The following SEC16A variants were observed in gnomAD, a reference collection of about 807,000 sequenced individuals.
SEC16A encodes protein transport protein Sec16A.
Under a neutral mutation model 221.9 loss-of-function variants are expected in SEC16A, and 110 were observed. That is an observed-to-expected ratio of 0.50 (90% CI 0.42 to 0.58). SEC16A has a LOEUF of 0.58. Among genes scored for constraint, SEC16A ranks in the 20% least tolerant of loss-of-function variants. The pLI is 0.00. For missense variants in SEC16A, 3,165 were observed against 3,097.8 expected, an observed-to-expected ratio of 1.02 and a Z score of -0.52; for synonymous variants, 1,393 against 1,257.7, an observed-to-expected ratio of 1.11 and a Z score of -2.28.
At chr9:136,482,637 G>A (rs1000083247) in intron 1 of SEC16A, among the ~76,000 whole-genome samples, 2 of 152,254 alleles carry the variant, frequency 1.3e-5, no homozygotes, top group Admixed American at 6.5e-5. Flanking sequence ...TCTTACGAGG[G>A]GTGCCTGGGG....
chr9:136,480,767 G>A (rs1842217129), intron 1 of SEC16A, among the ~76,000 whole-genome samples: 3 of 152,124 alleles, frequency 2.0e-5, no homozygotes, highest in Non-Finnish European at 4.4e-5. Context: ...GCGGGCGCCT[G>A]TAATCCCAGC....
rs1003037022 is a variant in SEC16A, at chr9:136,461,094, C to T, written c.4991+83G>A. ...GCACAGTCAAGTGAGATCCGCCTGC[C>T]GCCTGCCCCCAGGGTGCGGACGCCG... On this transcript the variant is annotated intron_variant, in intron 13 of 31. Coordinates refer to ENST00000684901, the MANE Select transcript of SEC16A (RefSeq NM_014866.2). 4.1e-5 allele frequency: 43 copies of T among 1,060,842 alleles called. No individual in the cohort carries two copies. The East Asian group carries it at 4.1e-4, about 10-fold the overall frequency. The allele number at this position is 1,060,842 out of a possible 1,614,324, so 65.7% of individuals were successfully genotyped here.
rs535521645 is a variant in SEC16A, at chr9:136,447,278, C to G, written c.6646G>C (p.Ala2216Pro). Residue 2216 changes from alanine (A) to proline (P), a missense_variant, in exon 27 of 32, where the codon GCT (alanine) becomes CCT (proline). Physicochemically the swap from Ala to Pro is conservative, Grantham distance 27 (BLOSUM62 -1). This residue lies in a region of SEC16A where 1,088 missense variants were observed against 1,089.6 expected (regional missense o/e 1.00). Coordinates refer to ENST00000684901, the MANE Select transcript of SEC16A (RefSeq NM_014866.2). The surrounding 1 kb of genome is among the most constrained non-coding windows in gnomAD (Gnocchi z 5.5). The stretch of plus-strand genomic sequence containing the variant: ...GGAATTGGGAGTGGCGCGAGTGGAG[C>G]GACAAAGTCCGCAGGAGCGAGAGCC... ...EPALAPADFV[A>P]PLAPLPIPSN... is the part of the protein sequence containing the mutation. The G allele has an allele frequency of 6.3e-6, 10 of 1,597,946 alleles. No homozygotes were observed. Among genetic ancestry groups the G allele is most frequent in the Admixed American group, 3.5e-5 (2 of 57,388 alleles).
In SEC16A at chr9:136,441,752, A is replaced by G. The variant is rs760638239; in HGVS notation, c.*3T>C. The G allele has an allele frequency of 5.0e-6, 8 of 1,613,170 alleles. No homozygotes were observed. The South Asian group carries it at 5.5e-5, about 11-fold the overall frequency. The stretch of plus-strand genomic sequence containing the variant: ...CCAAGTGCAAGTTCACAGCAGGGCA[A>G]GCCTAGTTCAGCACCAGGTGCTTCC... On this transcript the variant is annotated 3_prime_UTR_variant, in exon 32 of 32. Coordinates refer to ENST00000684901, the MANE Select transcript of SEC16A (RefSeq NM_014866.2).
rs546914274 is a variant in SEC16A at position 136,475,264 on chromosome 9, G to A, written c.2352C>T (p.Gly784=). 4.3e-6 allele frequency: 7 copies of A among 1,613,560 alleles called. No homozygotes were observed. The highest frequency in any genetic ancestry group is 5.9e-6 in the Non-Finnish European group (7 of 1,179,876). Residue 784 remains glycine, a synonymous_variant, in exon 3 of 32, where the codon GGC becomes GGT. Coordinates refer to ENST00000684901, the MANE Select transcript of SEC16A (RefSeq NM_014866.2). The surrounding 1 kb of genome is among the most constrained non-coding windows in gnomAD (Gnocchi z 5.0). The part of the protein sequence containing the change: ...SSAAPVQSRG[G]IGASENLENP... The stretch of plus-strand genomic sequence containing the variant: ...TCTCAAGGTTCTCAGAAGCACCAAT[G>A]CCACCTCGGCTCTGCACCGGGGCCG...
At chr9:136,470,252 G>A (rs533704349) in intron 4 of SEC16A, among the ~76,000 whole-genome samples, 4 of 152,250 alleles carry the variant, frequency 2.6e-5, no homozygotes, top group African/African-American at 9.6e-5. Context: ...GTAAGCCTGC[G>A]GATCTGGTGA....
intron 4 of SEC16A, among the ~76,000 whole-genome samples, chr9:136,471,421 C>G (rs56406248): frequency 0.02 from 3,033 of 152,224 alleles, 48 homozygotes; most frequent in Middle Eastern, 0.051. Context: ...CTGCAGTGAG[C>G]CAAGATGGCA....
rs754689099 is a variant in SEC16A at position 136,455,653 on chromosome 9, C to G, written c.5805G>C (p.Val1935=). Residue 1935 remains valine, a synonymous_variant, in exon 20 of 32, where the codon GTG becomes GTC. Transcript: ENST00000684901. ...ALGIANPLLA[V]PAPSPEHSSP... ...TCGAGTGCTCAGGGCTCGGTGCAGG[C>G]ACCGCCAGCAGAGGGTTGGCGATCC... 6.3e-7 allele frequency: 1 copy of G among 1,590,920 alleles called. No homozygotes were observed. The highest frequency in any genetic ancestry group is 8.5e-7 in the Non-Finnish European group (1 of 1,170,002).
chr9:136,457,417 C>G (rs139966063), intron 18 of SEC16A, 27 bp downstream of exon 18: 19,726 of 1,580,602 alleles, frequency 0.012, 154 homozygotes, highest in Middle Eastern at 0.023. Context: ...AGCACAGCAT[C>G]CCGAGGACAG....
Position 136,475,725 on chromosome 9 carries a change from C to T in SEC16A, c.1891G>A (p.Val631Met), listed in dbSNP as rs1262761726. Residue 631 changes from valine (V) to methionine (M), a missense_variant, in exon 3 of 32, where the codon GTG (valine) becomes ATG (methionine). Physicochemically the swap from Val to Met is conservative, Grantham distance 21. This residue lies in a region of SEC16A where 2,030 missense variants were observed against 1,923.1 expected (regional missense o/e 1.06). Coordinates refer to ENST00000684901, the MANE Select transcript of SEC16A (RefSeq NM_014866.2). This position sits in a 1 kb window ranked among gnomAD's most constrained non-coding sequence, Gnocchi z 5.0. ...CAGGTCTCCCTTACTTCACCAACCA[C>T]GTTGGCGCGATCTGCCTCAAATGGT... ...VKPFEADRAN[V>M]VGEVRETCVR... The T allele has an allele frequency of 3.7e-6, 6 of 1,611,718 alleles. No individual in the cohort carries two copies. The highest frequency in any genetic ancestry group is 2.2e-5 in the East Asian group (1 of 44,784).
rs2132984981 is a variant in SEC16A, at chr9:136,477,494, A to G, written c.122T>C (p.Val41Ala). 2 of 1,614,020 alleles carry G rather than the reference A, an allele frequency of 1.2e-6. No individual in the cohort carries two copies. The highest frequency in any genetic ancestry group is 1.7e-6 in the Non-Finnish European group (2 of 1,179,898). ...YRRRANNNAA[V>A]APTTCPLQPV... is the part of the protein sequence containing the mutation. Reference sequence around the variant, plus strand: ...CTGCAACGGGCAAGTTGTCGGAGCCACTGCTGCATTATTATTAGCCCGTCT... The same window carrying G: ...CTGCAACGGGCAAGTTGTCGGAGCCGCTGCTGCATTATTATTAGCCCGTCT... The change falls in exon 3 of 32, where the codon GTG (valine) becomes GCG (alanine). Residue 41 changes from valine (V) to alanine (A), a missense_variant. Around this residue, in one of 3 missense-constraint regions of SEC16A, gnomAD observed 2,030 missense variants for 1,923.1 expected, o/e 1.06. Coordinates refer to ENST00000684901, the MANE Select transcript of SEC16A (RefSeq NM_014866.2).
chr9:136,467,157 G>T, intron 5 of SEC16A, 74 bp from the exon 6 acceptor site: 1 of 1,558,242 alleles, frequency 6.4e-7, no homozygotes, highest in South Asian at 1.1e-5. Flanking sequence ...CTAAAGAAGC[G>T]ACACCACCCC....
At chr9:136,451,953 G>C (rs1259221411) in intron 22 of SEC16A, among the ~76,000 whole-genome samples, 1 of 152,186 alleles carries the variant, frequency 6.6e-6, no homozygotes, top group Non-Finnish European at 1.5e-5. Flanking sequence ...CTGTAAAGAA[G>C]GTTCCAGAAT....
At chr9:136,460,010 G>GA (rs1312090905) in intron 14 of SEC16A, 32 bp downstream of exon 14, 2 of 1,576,856 alleles carry the variant, frequency 1.3e-6, no homozygotes, top group Non-Finnish European at 1.7e-6. Context: ...AGGCAGTGGA[G>GA]CCTGTGCAAG....
In SEC16A at chr9:136,468,457, C is replaced by T. The variant is rs370969472; in HGVS notation, c.3760G>A (p.Asp1254Asn). Residue 1254 changes from aspartate (D) to asparagine (N), a missense_variant, in exon 5 of 32, where the codon GAT becomes AAT. Around this residue, in one of 3 missense-constraint regions of SEC16A, gnomAD observed 2,030 missense variants for 1,923.1 expected, o/e 1.06. Transcript: ENST00000684901. ...SSKSGWSSQS[D>N]YYASYYSSQY... Reference sequence around the variant, plus strand: ...CTGGAGTAATAGCTTGCATAGTAATCGCTCTGACTGCTCCATCCACTTTTG... The same window carrying T: ...CTGGAGTAATAGCTTGCATAGTAATTGCTCTGACTGCTCCATCCACTTTTG... 6.6e-5 allele frequency: 107 copies of T among 1,613,390 alleles called. No individual in the cohort carries two copies. The highest frequency in any genetic ancestry group is 9.3e-5 in the African/African-American group (7 of 74,908).
Position 136,467,824 on chromosome 9 carries a change from A to G in SEC16A, c.3802+591T>C, listed in dbSNP as rs368508844. Among the ~76,000 whole-genome samples the G allele has an allele frequency of 3.3e-4, 50 of 152,368 alleles. No homozygotes were observed. The East Asian group carries it at 6.0e-3, about 18-fold the overall frequency. Reference sequence around the variant, plus strand: ...GTCAAGGGGATTCAGGGCCCAGAGCACTAGAGGCCACAGCCAGGGCAGGAG... The same window carrying G: ...GTCAAGGGGATTCAGGGCCCAGAGCGCTAGAGGCCACAGCCAGGGCAGGAG... On this transcript the variant is annotated intron_variant, in intron 5 of 31. Coordinates refer to ENST00000684901, the MANE Select transcript of SEC16A (RefSeq NM_014866.2).
In SEC16A at chr9:136,461,316, C is replaced by T. The variant is rs566722505; in HGVS notation, c.4894-42G>A. On this transcript the variant is annotated intron_variant, in intron 12 of 31. Coordinates refer to ENST00000684901, the MANE Select transcript of SEC16A (RefSeq NM_014866.2). The stretch of plus-strand genomic sequence containing the variant: ...AGGGACCTTGGTGGGTTATCGGCGG[C>T]GCTCACGTGACATGAGTCAAGACAG... 4.5e-5 allele frequency: 64 copies of T among 1,436,318 alleles called. No homozygotes were observed. In the East Asian group the frequency reaches 4.7e-4, roughly 10 times the overall value. The allele number at this position is 1,436,318 out of a possible 1,614,324, so 89.0% of individuals were successfully genotyped here.
At chr9:136,483,866 G>A (rs974134322), upstream of SEC16A, 3 of 932,772 alleles carry the variant, frequency 3.2e-6, no homozygotes, top group East Asian at 2.3e-4. Flanking sequence ...CCTGCGCGCT[G>A]GTTGCCTGGT....
Position 136,459,826 on chromosome 9 carries a change from C to A in SEC16A, c.5122G>T (p.Val1708Phe). 1 of 1,613,630 alleles carries A rather than the reference C, an allele frequency of 6.2e-7. No individual in the cohort carries two copies. The highest frequency in any genetic ancestry group is 8.5e-7 in the Non-Finnish European group (1 of 1,179,760). ...WGDWRPHLAMVLSNLNNNMDV... is the reference protein window; with the variant it reads ...WGDWRPHLAMFLSNLNNNMDV... ...ATGTTGTTGTTCAAGTTGGACAAGA[C>A]CATGGCGAGGTGCGGCCTCCAATCT... Residue 1708 changes from valine to phenylalanine, a missense_variant, in exon 15 of 32, where the codon GTC becomes TTC. Transcript: ENST00000684901. The surrounding 1 kb of genome is among the most constrained non-coding windows in gnomAD (Gnocchi z 6.1).
Sources: allele counts gnomAD v4.1 joint callset (sites outside exome capture counted in the v4.1 genomes callset), GRCh38; gene constraint gnomAD v4.1.1; regional missense constraint gnomAD v4.1.1; non-coding constraint Gnocchi (gnomAD v3.1); transcripts MANE v1.5; gene names NCBI Gene and HGNC (gene_info 2026-07-23, HGNC 2026-07-21).